SIPA1L2: variants seen among roughly 807,000 people sequenced by gnomAD.
The protein encoded by SIPA1L2 is signal induced proliferation associated 1 like 2.
Under a neutral mutation model 163.9 loss-of-function variants are expected in SIPA1L2, and 56 were observed. The observed-to-expected ratio is 0.34, with a 90% CI of 0.28 to 0.43. The LOEUF (loss-of-function observed/expected upper bound fraction) is 0.43, where lower values mean the gene tolerates loss of function less well. Among genes scored for constraint, SIPA1L2 ranks in the 20% least tolerant of loss-of-function variants. The pLI is 1.00. For synonymous variants in SIPA1L2, 877 were observed against 865.7 expected, an observed-to-expected ratio of 1.01 and a Z score of -0.23; for missense variants, 1,974 against 2,193.5, an observed-to-expected ratio of 0.90 and a Z score of 2.00.
At chr1:232,597,459 C>G (rs577568141) in intron 1 of SIPA1L2, among the ~76,000 whole-genome samples, 6 of 149,814 alleles carry the variant, frequency 4.0e-5, no homozygotes, top group Non-Finnish European at 7.4e-5. Context: ...GGGCGGATCA[C>G]AAGGTCAGGA....
intron 19 of SIPA1L2, among the ~76,000 whole-genome samples, chr1:232,414,761 G>T (rs116296725): frequency 1.3e-5 from 2 of 152,188 alleles, no homozygotes; most frequent in African/African-American, 4.8e-5. Context: ...AGGGCAAAAC[G>T]TCATAAGTCA....
intron 3 of SIPA1L2, among the ~76,000 whole-genome samples, chr1:232,508,420 C>T (rs1021506581): frequency 5.9e-5 from 9 of 152,328 alleles, no homozygotes; most frequent in Admixed American, 2.0e-4. Context: ...GGAGACCTCA[C>T]GTGTCAACAC....
At chr1:232,530,425 T>C (rs1667919340) in intron 2 of SIPA1L2, among the ~76,000 whole-genome samples, 1 of 152,204 alleles carries the variant, frequency 6.6e-6, no homozygotes. Context: ...CCATTTATTC[T>C]ACTTGCATTT....
rs75996615 is a variant in SIPA1L2 at position 232,468,420 on chromosome 1, C to A, written c.2243+2951G>T. On this transcript the variant is annotated intron_variant, in intron 8 of 22. Transcript: ENST00000674635. The stretch of plus-strand genomic sequence containing the variant: ...GAGCAAACTGGAGTCAGGTAACTCC[C>A]GGAGTCAGGGAGTCCAGCTCTACCA... 0.035 allele frequency among the ~76,000 whole-genome samples: 5,333 copies of A among 152,218 alleles called. 978 individuals carry two copies. In the East Asian group the frequency reaches 0.57, roughly 16 times the overall value.
intron 3 of SIPA1L2, among the ~76,000 whole-genome samples, chr1:232,508,422 T>C (rs1666830412): frequency 6.6e-6 from 1 of 152,220 alleles, no homozygotes; most frequent in African/African-American, 2.4e-5. Flanking sequence ...AGACCTCACG[T>C]GTCAACACAC....
intron 4 of SIPA1L2, among the ~76,000 whole-genome samples, chr1:232,492,576 C>T (rs1055395058): frequency 6.6e-6 from 1 of 152,190 alleles, no homozygotes; most frequent in Admixed American, 6.5e-5. Flanking sequence ...ATAATTTATA[C>T]AAGAATCTCA....
chr1:232,600,781 G>A (rs1661554570), intron 1 of SIPA1L2, among the ~76,000 whole-genome samples: 1 of 152,120 alleles, frequency 6.6e-6, no homozygotes, highest in Non-Finnish European at 1.5e-5. Context: ...AGCAGAAGGT[G>A]GCAGTTGCTC....
At chr1:232,474,107 C>T (rs980157587) in intron 7 of SIPA1L2, among the ~76,000 whole-genome samples, 1 of 152,112 alleles carries the variant, frequency 6.6e-6, no homozygotes, top group Non-Finnish European at 1.5e-5. Flanking sequence ...AAACCACAAA[C>T]GAACGCAGGC....
At chr1:232,424,185 C>T (rs758649924) in intron 18 of SIPA1L2, among the ~76,000 whole-genome samples, 1 of 151,872 alleles carries the variant, frequency 6.6e-6, no homozygotes, top group Non-Finnish European at 1.5e-5. Context: ...AACACATGTA[C>T]CACTGCCACT....
intron 4 of SIPA1L2, 21 bp downstream of exon 4, chr1:232,493,506 T>C: frequency 6.2e-7 from 1 of 1,613,786 alleles, no homozygotes; most frequent in Non-Finnish European, 8.5e-7. Context: ...GCCCAATAAC[T>C]ACGGCAAGCA....
chr1:232,578,238 A>C (rs1660182069), intron 1 of SIPA1L2, among the ~76,000 whole-genome samples: 1 of 151,806 alleles, frequency 6.6e-6, no homozygotes, highest in Admixed American at 6.6e-5. Context: ...GTATAGCGTA[A>C]CTGTAACTTT....
intron 21 of SIPA1L2, chr1:232,402,701 G>A: frequency 3.0e-6 from 1 of 336,928 alleles, no homozygotes; most frequent in Non-Finnish European, 5.5e-6. Flanking sequence ...TATACGAGTT[G>A]GTAGGAAAAC....
intron 2 of SIPA1L2, among the ~76,000 whole-genome samples, chr1:232,546,094 T>C (rs990814142): frequency 6.6e-6 from 1 of 152,224 alleles, no homozygotes; most frequent in African/African-American, 2.4e-5. Context: ...CCTGGAGTCC[T>C]GTCTAAATCT....
chr1:232,582,125 TTGA>T (rs1387329764), intron 1 of SIPA1L2, among the ~76,000 whole-genome samples: 2 of 152,226 alleles, frequency 1.3e-5, no homozygotes, highest in African/African-American at 2.4e-5. Context: ...GAAACATTTG[TTGA>T]TGATGATGTC....
At chr1:232,527,421 AT>A (rs1667759908) in intron 2 of SIPA1L2, among the ~76,000 whole-genome samples, 1 of 152,174 alleles carries the variant, frequency 6.6e-6, no homozygotes, top group Admixed American at 6.6e-5. Flanking sequence ...GAGGGATACC[AT>A]TTTAATTCAC....
chr1:232,454,806 T>C (rs1379728551), intron 10 of SIPA1L2, among the ~76,000 whole-genome samples: 1 of 152,254 alleles, frequency 6.6e-6, no homozygotes, highest in East Asian at 1.9e-4. Context: ...TTTTCTACAC[T>C]ACCCTGAGAC....
chr1:232,629,386 C>A (rs1663247895), intron 1 of SIPA1L2, among the ~76,000 whole-genome samples: 1 of 152,212 alleles, frequency 6.6e-6, no homozygotes, highest in Admixed American at 6.5e-5. Flanking sequence ...CCCGGTCTTA[C>A]AAAGAGGGAT....
intron 13 of SIPA1L2, 55 bp from the exon 14 acceptor site, chr1:232,441,449 G>C (rs1662888571): frequency 1.6e-5 from 22 of 1,411,506 alleles, no homozygotes; most frequent in Non-Finnish European, 2.1e-5. Flanking sequence ...TACCAAAAGA[G>C]TAAAGAAAAC....
At chr1:232,619,752 C>T (rs988133131) in intron 1 of SIPA1L2, among the ~76,000 whole-genome samples, 3 of 152,352 alleles carry the variant, frequency 2.0e-5, no homozygotes, top group African/African-American at 7.2e-5. Flanking sequence ...CATGGTCCCA[C>T]ATCCTTATTT....
Sources: gnomAD v4.1 joint callset for allele counts (sites outside exome capture counted in the v4.1 genomes callset) on GRCh38, gnomAD v4.1.1 for gene constraint, MANE v1.5 for transcripts, NCBI Gene and HGNC (gene_info 2026-07-23, HGNC 2026-07-21) for gene names.